The following CERT1 variants were observed in gnomAD, a reference collection of about 807,000 sequenced individuals.
The protein encoded by CERT1 is ceramide transporter 1.
In CERT1, 31 loss-of-function variants were observed where a neutral mutation model predicts 87.9. The observed-to-expected ratio is 0.35, with a 90% confidence interval of 0.27 to 0.48. The LOEUF (loss-of-function observed/expected upper bound fraction) is 0.48. Among genes scored for constraint, CERT1 ranks in the 20% least tolerant of loss-of-function variants. CERT1 has a pLI of 0.99. For synonymous variants in CERT1, 289 were observed against 250.9 expected (o/e 1.15, Z -1.44); for missense variants, 487 against 758.0 (o/e 0.64, Z 4.20).
At chr5:75,422,604 G>A (rs926918248) in intron 5 of CERT1, among the ~76,000 whole-genome samples, 13 of 152,118 alleles carry the variant, frequency 8.5e-5, no homozygotes, top group Non-Finnish European at 1.6e-4. Context: ...GTGACAGAGG[G>A]AGACCCAGTA....
chr5:75,497,999 G>T (rs1767154669), intron 2 of CERT1, among the ~76,000 whole-genome samples: 1 of 152,202 alleles, frequency 6.6e-6, no homozygotes, highest in Non-Finnish European at 1.5e-5. Context: ...GGACAATGAA[G>T]TCCAGGGTGA....
At chr5:75,424,590 AAGAG>A (rs1161489919) in intron 5 of CERT1, among the ~76,000 whole-genome samples, 3 of 151,372 alleles carry the variant, frequency 2.0e-5, no homozygotes, top group East Asian at 2.0e-4. Flanking sequence ...AAGAAAGAAA[AAGAG>A]AGAGAGAGGA....
intron 2 of CERT1, among the ~76,000 whole-genome samples, chr5:75,492,175 C>A (rs1766826789): frequency 6.6e-6 from 1 of 151,996 alleles, no homozygotes; most frequent in Non-Finnish European, 1.5e-5. Flanking sequence ...GAGACTCAGT[C>A]TCTACCAAAA....
intron 2 of CERT1, among the ~76,000 whole-genome samples, chr5:75,475,938 G>A (rs1165698642): frequency 6.6e-6 from 1 of 152,050 alleles, no homozygotes. Context: ...TCCACATTTT[G>A]CATGTGCAAA....
intron 2 of CERT1, among the ~76,000 whole-genome samples, chr5:75,487,406 A>C (rs79442301): frequency 0.079 from 12,015 of 152,170 alleles, 568 homozygotes; most frequent in South Asian, 0.17. Flanking sequence ...AAACTCCAGA[A>C]CATTGTACTG....
At chr5:75,501,040 G>A (rs1474612449) in intron 2 of CERT1, among the ~76,000 whole-genome samples, 1 of 150,976 alleles carries the variant, frequency 6.6e-6, no homozygotes, top group Non-Finnish European at 1.5e-5. Context: ...CCAGCCTGGA[G>A]GGCAATGGCA....
At chr5:75,403,209 A>G (rs1040782796) in intron 8 of CERT1, 151 bp from the exon 9 acceptor site, 15 of 607,658 alleles carry the variant, frequency 2.5e-5, no homozygotes, top group African/African-American at 2.2e-4. Context: ...GATCATATGC[A>G]TGCTCTGTGT....
At chr5:75,443,120 T>C (rs375919101) in intron 3 of CERT1, among the ~76,000 whole-genome samples, 1 of 152,304 alleles carries the variant, frequency 6.6e-6, no homozygotes, top group South Asian at 2.1e-4. Context: ...CCTTAGTCCA[T>C]CTAGCTAAAG....
chr5:75,461,152 G>A (rs1355474692), intron 2 of CERT1, among the ~76,000 whole-genome samples: 2 of 152,150 alleles, frequency 1.3e-5, no homozygotes, highest in Admixed American at 6.5e-5. Context: ...CCAGACTCTA[G>A]GTCACAAACC....
chr5:75,429,197 AATTATT>A (rs1189870583), intron 3 of CERT1, among the ~76,000 whole-genome samples: 2 of 146,712 alleles, frequency 1.4e-5, no homozygotes, highest in African/African-American at 2.5e-5. Context: ...TAATAATAAT[AATTATT>A]ATTATTATTA....
rs549161756 is a variant in CERT1, at chr5:75,387,511, G to GC, written c.1285-1478dup. ...TATCCCAGCACTTTGGGAGGCCGAG[G>GC]CGGGCGGATCACCTGAGGTCAGGAG... On this transcript the variant is annotated intron_variant, in intron 12 of 16. Transcript: ENST00000643780. Among the ~76,000 whole-genome samples the GC allele has an allele frequency of 6.6e-4, 100 of 152,066 alleles. 1 individual carries two copies. The highest frequency in any genetic ancestry group is 2.3e-3 in the African/African-American group (97 of 41,516).
At chr5:75,406,782 T>C (rs1437655676) in intron 8 of CERT1, among the ~76,000 whole-genome samples, 1 of 152,114 alleles carries the variant, frequency 6.6e-6, no homozygotes, top group Non-Finnish European at 1.5e-5. Flanking sequence ...TGACCTCAGG[T>C]GATCTGCCCG....
intron 16 of CERT1, among the ~76,000 whole-genome samples, chr5:75,380,440 T>C (rs537362702): frequency 6.6e-6 from 1 of 152,310 alleles, no homozygotes; most frequent in South Asian, 2.1e-4. Flanking sequence ...CTGTTGCTTA[T>C]ATTCCTAATA....
Position 75,450,202 on chromosome 5 carries a change from C to T in CERT1, c.348+8863G>A, listed in dbSNP as rs1167220363. ...CCAACTAGCTGAATGTACCCTCCTC[C>T]TGGCCAAGAGGACCCAACTAAACCT... On this transcript the variant is annotated intron_variant, in intron 3 of 16. Transcript: ENST00000643780. 4.6e-5 allele frequency among the ~76,000 whole-genome samples: 7 copies of T among 152,280 alleles called. No individual in the cohort carries two copies. In the South Asian group the frequency reaches 1.0e-3, roughly 23 times the overall value.
At chr5:75,468,914 C>T (rs1252503031) in intron 2 of CERT1, among the ~76,000 whole-genome samples, 1 of 152,114 alleles carries the variant, frequency 6.6e-6, no homozygotes, top group African/African-American at 2.4e-5. Flanking sequence ...CCAGAACAAC[C>T]AGGGAAACAT....
intron 2 of CERT1, among the ~76,000 whole-genome samples, chr5:75,497,911 A>T (rs868795568): frequency 6.6e-6 from 1 of 152,126 alleles, no homozygotes; most frequent in Non-Finnish European, 1.5e-5. Flanking sequence ...GTTCAGAAGA[A>T]GACAGGAAAA....
chr5:75,475,583 G>A (rs1016195258), intron 2 of CERT1, among the ~76,000 whole-genome samples: 6 of 152,028 alleles, frequency 3.9e-5, no homozygotes, highest in Middle Eastern at 3.2e-3. Flanking sequence ...TGAATACCAC[G>A]ATTAACATAT....
At chr5:75,511,805 A>T (rs1315326758), upstream of CERT1, 5 of 1,551,412 alleles carry the variant, frequency 3.2e-6, no homozygotes, top group Admixed American at 9.8e-5. Context: ...GGAGGAGCGG[A>T]GAAAGGAGAG....
At chr5:75,511,743 T>A, upstream of CERT1, 2 of 1,548,794 alleles carry the variant, frequency 1.3e-6, no homozygotes, top group Non-Finnish European at 8.7e-7. Flanking sequence ...TTCGGGATCC[T>A]CCTCCCGAAC....
Sources: gnomAD v4.1 joint callset for allele counts (sites outside exome capture counted in the v4.1 genomes callset) on GRCh38, gnomAD v4.1.1 for gene constraint, MANE v1.5 for transcripts, NCBI Gene and HGNC (gene_info 2026-07-23, HGNC 2026-07-21) for gene names.